Variants in TBC1D15 observed in about 807,000 individuals in gnomAD.
The protein encoded by TBC1D15 is TBC1 domain family member 15, also known as GAP for RAB7.
In TBC1D15, 39 loss-of-function variants were observed where a neutral mutation model predicts 95.4. The ratio of observed to expected loss-of-function variants is 0.41; its 90% CI spans 0.32 to 0.53. The LOEUF (loss-of-function observed/expected upper bound fraction) is 0.53. Ranked by LOEUF, TBC1D15 falls within the 20% of genes least tolerant of loss-of-function variation. The probability of loss-of-function intolerance (pLI) is 0.29; values close to 1 mark genes in which losing one functional copy is unlikely to be tolerated. For missense variants in TBC1D15, 733 were observed against 794.3 expected, an observed-to-expected ratio of 0.92 and a Z score of 0.93; for synonymous variants, 258 against 261.3, an observed-to-expected ratio of 0.99 and a Z score of 0.12.
chr12:71,877,496 TTTCCTTCCTTCCTTCC>T (rs200912836), intron 3 of TBC1D15, among the ~76,000 whole-genome samples: 2,170 of 89,616 alleles, frequency 0.024, 66 homozygotes, highest in Admixed American at 0.097. Context: ...CTTTCCTGTT[TTTCCTTCCTTCCTTCC>T]TTCCTTCCTT....
At chr12:71,851,135 A>C (rs1312702093) in intron 1 of TBC1D15, among the ~76,000 whole-genome samples, 2 of 152,126 alleles carry the variant, frequency 1.3e-5, no homozygotes, top group African/African-American at 4.8e-5. Flanking sequence ...GGAAACTTAC[A>C]TTCATGGTGG....
intron 5 of TBC1D15, among the ~76,000 whole-genome samples, chr12:71,887,074 A>G (rs1007095181): frequency 6.6e-6 from 1 of 152,150 alleles, no homozygotes; most frequent in Non-Finnish European, 1.5e-5. Context: ...TAGGTAAGAG[A>G]TAGCAAACTA....
chr12:71,916,782 G>A (rs1000983339), intron 12 of TBC1D15, among the ~76,000 whole-genome samples: 9 of 152,030 alleles, frequency 5.9e-5, no homozygotes, highest in African/African-American at 2.2e-4. Flanking sequence ...GTGTTGGTAG[G>A]GAGTCTACTC....
At chr12:71,847,778 T>C (rs926579651) in intron 1 of TBC1D15, among the ~76,000 whole-genome samples, 1 of 152,032 alleles carries the variant, frequency 6.6e-6, no homozygotes, top group Non-Finnish European at 1.5e-5. Flanking sequence ...ACATTTGGGT[T>C]ATTTCCACTT....
At chr12:71,871,937 T>A (rs890476723) in intron 1 of TBC1D15, 133 bp from the exon 2 acceptor site, 6 of 406,158 alleles carry the variant, frequency 1.5e-5, no homozygotes, top group Non-Finnish European at 2.7e-5. Context: ...GGTATTTTTT[T>A]AAATAATACA....
In TBC1D15 at chr12:71,856,690, C is replaced by T. The variant is rs116992211; in HGVS notation, c.31-15380C>T. Among the ~76,000 whole-genome samples, 138 of 152,102 alleles carry T rather than the reference C, an allele frequency of 9.1e-4. 1 individual carries two copies. In the East Asian group the frequency reaches 0.02, roughly 22 times the overall value. On this transcript the variant is annotated intron_variant, in intron 1 of 16. Transcript: ENST00000485960. Reference sequence around the variant, plus strand: ...ACTGCTGATGCTCTTTCTTTGCTTCCTGTAGTACAGAGGACCTACTCATGT... The same window carrying T: ...ACTGCTGATGCTCTTTCTTTGCTTCTTGTAGTACAGAGGACCTACTCATGT...
chr12:71,887,276 A>AT (rs1233000799), intron 5 of TBC1D15, among the ~76,000 whole-genome samples: 2 of 127,970 alleles, frequency 1.6e-5, no homozygotes, highest in African/African-American at 6.4e-5. Context: ...TTTTTACTTG[A>AT]TTACAGAATA....
At chr12:71,865,538 G>A (rs528199135) in intron 1 of TBC1D15, among the ~76,000 whole-genome samples, 1 of 152,248 alleles carries the variant, frequency 6.6e-6, no homozygotes, top group African/African-American at 2.4e-5. Flanking sequence ...AGGTGCAGTA[G>A]CAGCAAGTAC....
intron 1 of TBC1D15, among the ~76,000 whole-genome samples, chr12:71,843,476 T>C (rs925429878): frequency 1.1e-4 from 17 of 152,156 alleles, no homozygotes; most frequent in African/African-American, 4.1e-4. Flanking sequence ...CCTGGAGACT[T>C]GTTTTCCTAG....
At chr12:71,901,559 G>A (rs529066091) in intron 10 of TBC1D15, among the ~76,000 whole-genome samples, 2 of 152,078 alleles carry the variant, frequency 1.3e-5, no homozygotes, top group East Asian at 3.9e-4. Flanking sequence ...ATAAAACCAT[G>A]AATTATGAAA....
At chr12:71,848,559 A>C (rs1886919651) in intron 1 of TBC1D15, among the ~76,000 whole-genome samples, 1 of 151,886 alleles carries the variant, frequency 6.6e-6, no homozygotes, top group Non-Finnish European at 1.5e-5. Flanking sequence ...CTGAGTTTTT[A>C]GTGTTCTTTT....
intron 1 of TBC1D15, chr12:71,841,346 CTT>C (rs1884947724): frequency 6.6e-6 from 1 of 152,210 alleles, no homozygotes; most frequent in Admixed American, 6.5e-5. Flanking sequence ...TAAAGTGAGA[CTT>C]ATATTTAGTA....
intron 10 of TBC1D15, among the ~76,000 whole-genome samples, chr12:71,906,187 T>TA (rs1213900263): frequency 6.6e-6 from 1 of 152,206 alleles, no homozygotes; most frequent in Non-Finnish European, 1.5e-5. Flanking sequence ...CATCTCTTTG[T>TA]AAAGAGTTTT....
chr12:71,906,471 A>G (rs780950954), intron 10 of TBC1D15, among the ~76,000 whole-genome samples: 22 of 152,348 alleles, frequency 1.4e-4, no homozygotes, highest in Non-Finnish European at 2.8e-4. Context: ...TTTCCAACTT[A>G]TAATGACATC....
At chr12:71,842,830 CAAA>C (rs58842371) in intron 1 of TBC1D15, among the ~76,000 whole-genome samples, 10 of 84,834 alleles carry the variant, frequency 1.2e-4, no homozygotes, top group Non-Finnish European at 1.3e-4. Flanking sequence ...GACCCTGTCT[CAAA>C]AAAAAAAAAA....
intron 5 of TBC1D15, among the ~76,000 whole-genome samples, chr12:71,891,041 A>G (rs1897121458): frequency 6.6e-6 from 1 of 152,166 alleles, no homozygotes; most frequent in Non-Finnish European, 1.5e-5. Flanking sequence ...CCAACCATTT[A>G]AAAGATTAGG....
rs1898264837 is a variant in TBC1D15, at chr12:71,896,755, A to ATTTT, written c.1063_1064insTTTT (p.Arg355IlefsTer11). 6.2e-7 allele frequency: 1 copy of ATTTT among 1,611,518 alleles called. No individual in the cohort carries two copies. Among genetic ancestry groups the ATTTT allele is most frequent in the Admixed American group, 1.7e-5 (1 of 59,554 alleles). ...TCCCTGGGACAGTACCAAGGAGGAAAGAACCCAATTACAAAAGCAAAAAAC... is the reference window on the plus strand; with the variant it reads ...TCCCTGGGACAGTACCAAGGAGGAAATTTTGAACCCAATTACAAAAGCAAAAAAC... On this transcript the variant is annotated frameshift_variant, in exon 9 of 17. Transcript: ENST00000485960. LOFTEE classifies it high-confidence loss of function.
chr12:71,903,259 T>C (rs1222132010), intron 10 of TBC1D15, among the ~76,000 whole-genome samples: 1 of 151,962 alleles, frequency 6.6e-6, no homozygotes, highest in Non-Finnish European at 1.5e-5. Context: ...AACCAACATA[T>C]GAAAAAGTGC....
chr12:71,916,448 G>A (rs1362548480), intron 12 of TBC1D15, among the ~76,000 whole-genome samples: 2 of 152,060 alleles, frequency 1.3e-5, no homozygotes, highest in Non-Finnish European at 2.9e-5. Flanking sequence ...AAATGTGGAG[G>A]AACTATATCC....
Sources: allele counts gnomAD v4.1 joint callset (sites outside exome capture counted in the v4.1 genomes callset), GRCh38; gene constraint gnomAD v4.1.1; transcripts MANE v1.5; gene names NCBI Gene and HGNC (gene_info 2026-07-23, HGNC 2026-07-21).